Variants in CACNA2D1 observed in about 807,000 individuals in gnomAD.
CACNA2D1 encodes voltage-dependent calcium channel subunit alpha-2/delta-1.
In CACNA2D1, 53 loss-of-function variants were observed where a neutral mutation model predicts 171.5. The observed-to-expected ratio is 0.31, with a 90% CI of 0.25 to 0.39. The LOEUF (loss-of-function observed/expected upper bound fraction) is 0.39, where lower values mean the gene tolerates loss of function less well. Ranked by LOEUF, CACNA2D1 falls within the 10% of genes least tolerant of loss-of-function variation. The pLI, the probability that CACNA2D1 is intolerant of heterozygous loss-of-function variation, is 1.00. For synonymous variants in CACNA2D1, 442 were observed against 443.1 expected (o/e 1.00, Z 0.03); for missense variants, 903 against 1,299.8 (o/e 0.69, Z 4.69).
At chr7:81,978,350 A>T (rs1796070203) in intron 24 of CACNA2D1, among the ~76,000 whole-genome samples, 1 of 152,190 alleles carries the variant, frequency 6.6e-6, no homozygotes, top group Admixed American at 6.6e-5. Flanking sequence ...CTGATCAATG[A>T]TATAGACTGG....
intron 3 of CACNA2D1, among the ~76,000 whole-genome samples, chr7:82,254,960 T>A (rs921989684): frequency 3.9e-5 from 6 of 152,120 alleles, no homozygotes; most frequent in Non-Finnish European, 5.9e-5. Flanking sequence ...GGAGTGGACA[T>A]CTCCCAGATG....
At chr7:82,127,673 A>T (rs1790486494) in intron 5 of CACNA2D1, among the ~76,000 whole-genome samples, 1 of 152,286 alleles carries the variant, frequency 6.6e-6, no homozygotes, top group East Asian at 1.9e-4. Flanking sequence ...AAAACAAGGA[A>T]GGTTTAAAGA....
At chr7:82,227,230 A>G (rs1802457535) in intron 3 of CACNA2D1, among the ~76,000 whole-genome samples, 1 of 152,228 alleles carries the variant, frequency 6.6e-6, no homozygotes. Flanking sequence ...ACAAGTCTTC[A>G]AGGTTGGGAA....
intron 6 of CACNA2D1, among the ~76,000 whole-genome samples, chr7:82,105,672 T>C (rs1054431033): frequency 2.6e-5 from 4 of 152,146 alleles, no homozygotes; most frequent in Non-Finnish European, 5.9e-5. Flanking sequence ...GCTTAGTCAC[T>C]GCCAATGTAT....
chr7:82,389,133 T>C (rs1490289889), intron 1 of CACNA2D1, among the ~76,000 whole-genome samples: 1 of 136,450 alleles, frequency 7.3e-6, no homozygotes, highest in Non-Finnish European at 1.5e-5. Context: ...TAATAATTAG[T>C]ATATATATAT....
intron 6 of CACNA2D1, among the ~76,000 whole-genome samples, chr7:82,114,760 G>GAAAAAAAAAAAAAAAAAAAAAAA (rs34240770): frequency 1.9e-5 from 2 of 103,112 alleles, no homozygotes; most frequent in Non-Finnish European, 2.1e-5. Flanking sequence ...CGTCCCAGAA[G>GAAAAAAAAAAAAAAAAAAAAAAA]AAAAAAAAAA....
intron 1 of CACNA2D1, among the ~76,000 whole-genome samples, chr7:82,363,982 C>G (rs1456841277): frequency 6.6e-6 from 1 of 152,104 alleles, no homozygotes; most frequent in Non-Finnish European, 1.5e-5. Context: ...ACCTGTAATC[C>G]CAGCACTTTG....
At chr7:81,980,172 CAAAAAA>C (rs35616922) in intron 24 of CACNA2D1, among the ~76,000 whole-genome samples, 14 of 25,250 alleles carry the variant, frequency 5.5e-4, no homozygotes, top group African/African-American at 1.4e-3. Flanking sequence ...TAAAACCAAG[CAAAAAA>C]AAAAAAAAAA....
chr7:82,049,137 A>AAG (rs1390589633), intron 10 of CACNA2D1, among the ~76,000 whole-genome samples: 4 of 151,032 alleles, frequency 2.6e-5, no homozygotes, highest in Admixed American at 6.6e-5. Flanking sequence ...AAAAAAAAAA[A>AAG]AAAAAGAAAA....
At position 81,948,445 on chromosome 7, in the gene CACNA2D1, TC is replaced by T. The variant is rs1311506248; in HGVS notation, c.*1946del. ...CAATAGTTGGCAAAGTGATTCCATT[TC>T]CCCCCACCTTTTTATTGAAAAAAAA... On this transcript the variant is annotated 3_prime_UTR_variant, in exon 39 of 39. Transcript: ENST00000356860. 6.7e-6 allele frequency: 1 copy of T among 148,972 alleles called. No homozygotes were observed. Among genetic ancestry groups the T allele is most frequent in the African/African-American group, 2.4e-5 (1 of 40,930 alleles). The allele number at this position is 148,972 out of a possible 1,614,324, so 9.2% of individuals were successfully genotyped here.
chr7:82,139,267 T>A (rs1792072665), intron 4 of CACNA2D1, among the ~76,000 whole-genome samples: 1 of 152,062 alleles, frequency 6.6e-6, no homozygotes, highest in Admixed American at 6.6e-5. Flanking sequence ...AAATAAATAA[T>A]CATCAAGGCT....
At chr7:82,007,880 G>T in intron 15 of CACNA2D1, 124 bp from the exon 16 acceptor site, 1 of 659,450 alleles carries the variant, frequency 1.5e-6, no homozygotes, top group Non-Finnish European at 2.8e-6. Context: ...ACAAAAACTA[G>T]TAACTCATTT....
At chr7:82,242,754 T>G (rs967476510) in intron 3 of CACNA2D1, among the ~76,000 whole-genome samples, 2 of 152,146 alleles carry the variant, frequency 1.3e-5, no homozygotes, top group African/African-American at 2.4e-5. Flanking sequence ...CTTGATTTGT[T>G]TGTTGTCTAT....
intron 4 of CACNA2D1, among the ~76,000 whole-genome samples, chr7:82,137,493 T>C (rs992524578): frequency 1.3e-5 from 2 of 152,074 alleles, no homozygotes; most frequent in African/African-American, 4.8e-5. Flanking sequence ...ATATAGTTCA[T>C]CTTCCACATG....
chr7:82,202,606 G>A (rs534322245), intron 3 of CACNA2D1, among the ~76,000 whole-genome samples: 26 of 152,196 alleles, frequency 1.7e-4, no homozygotes, highest in African/African-American at 5.5e-4. Flanking sequence ...TTTTGACCGC[G>A]GTACAAGAAG....
intron 35 of CACNA2D1, 49 bp downstream of exon 35, chr7:81,962,391 A>T: frequency 7.1e-7 from 1 of 1,400,178 alleles, no homozygotes; most frequent in Non-Finnish European, 1.0e-6. Flanking sequence ...ACATCCCAAA[A>T]GAAAATTTTT....
chr7:82,013,342 A>C (rs962563749), intron 14 of CACNA2D1, 119 bp downstream of exon 14: 3 of 292,686 alleles, frequency 1.0e-5, no homozygotes, highest in Non-Finnish European at 1.9e-5. Flanking sequence ...ATTTTAATAT[A>C]GGTGTAATAT....
chr7:82,132,059 C>A (rs370997116), intron 5 of CACNA2D1, among the ~76,000 whole-genome samples: 2 of 152,124 alleles, frequency 1.3e-5, no homozygotes, highest in Non-Finnish European at 2.9e-5. Context: ...CATGTATTTA[C>A]AGTTCTTGAC....
chr7:82,133,902 C>T (rs972474642), intron 5 of CACNA2D1, among the ~76,000 whole-genome samples: 3 of 151,982 alleles, frequency 2.0e-5, no homozygotes, highest in African/African-American at 4.8e-5. Flanking sequence ...GAAACCCCTT[C>T]TCTACTAAAA....
Sources: gnomAD v4.1 joint callset for allele counts (sites outside exome capture counted in the v4.1 genomes callset) on GRCh38, gnomAD v4.1.1 for gene constraint, MANE v1.5 for transcripts, NCBI Gene and HGNC (gene_info 2026-07-23, HGNC 2026-07-21) for gene names.